The following GRIK1 variants were observed in gnomAD, a reference collection of about 807,000 sequenced individuals.
GRIK1 encodes the protein glutamate receptor ionotropic, kainate 1.
In GRIK1, 69 loss-of-function variants were observed where a neutral mutation model predicts 105.7. The ratio of observed to expected loss-of-function variants is 0.65; its 90% CI spans 0.54 to 0.80. The LOEUF is 0.80. Ranked by LOEUF, GRIK1 falls within the 30% of genes least tolerant of loss-of-function variation. The pLI is 0.00. For synonymous variants in GRIK1, 438 were observed against 431.3 expected, an observed-to-expected ratio of 1.02 and a Z score of -0.19; for missense variants, 1,109 against 1,167.3, an observed-to-expected ratio of 0.95 and a Z score of 0.73.
At chr21:29,647,663 G>A (rs2062647418) in intron 6 of GRIK1, among the ~76,000 whole-genome samples, 1 of 152,154 alleles carries the variant, frequency 6.6e-6, no homozygotes, top group Non-Finnish European at 1.5e-5. Flanking sequence ...GGACCCATTT[G>A]AGAATGAACC....
At chr21:29,882,235 C>T (rs1294788652) in intron 1 of GRIK1, among the ~76,000 whole-genome samples, 2 of 152,164 alleles carry the variant, frequency 1.3e-5, no homozygotes, top group African/African-American at 4.8e-5. Context: ...CTATCCTCCA[C>T]ATTCCATTAA....
At chr21:29,842,556 A>G (rs1311753395) in intron 1 of GRIK1, among the ~76,000 whole-genome samples, 1 of 152,212 alleles carries the variant, frequency 6.6e-6, no homozygotes, top group Admixed American at 6.6e-5. Flanking sequence ...TATTTGGCAG[A>G]GCAGTATGTT....
At chr21:29,911,126 G>A (rs2070800454) in intron 1 of GRIK1, among the ~76,000 whole-genome samples, 1 of 151,900 alleles carries the variant, frequency 6.6e-6, no homozygotes, top group South Asian at 2.1e-4. Context: ...TCTTACATGG[G>A]AGTTACTTTT....
chr21:29,673,143 A>G lies in GRIK1; in HGVS notation c.566T>C (p.Leu189Pro). ...DSTGLIRLQE[L>P]IKAPSRYNIK... ...ATTATATCTGGAGGGAGCTTTGATG[A>G]GCTCTTGTAGACGAATTAGACCTAG... The change falls in exon 4 of 18, where the codon CTC becomes CCC. Residue 189 changes from leucine to proline, a missense_variant. Physicochemically the swap from Leu to Pro is moderately conservative, Grantham distance 98 (BLOSUM62 -3). Coordinates refer to ENST00000327783, the MANE Select transcript of GRIK1 (RefSeq NM_001330994.2). 6.2e-7 allele frequency: 1 copy of G among 1,610,714 alleles called. No homozygotes were observed. The highest frequency in any genetic ancestry group is 8.5e-7 in the Non-Finnish European group (1 of 1,177,288).
intron 3 of GRIK1, among the ~76,000 whole-genome samples, chr21:29,676,975 A>C (rs2063280778): frequency 6.6e-6 from 1 of 152,196 alleles, no homozygotes; most frequent in African/African-American, 2.4e-5. Context: ...CGTTATTGCT[A>C]AGTTTCCTGT....
In GRIK1 at chr21:29,826,169, G is replaced by T. The variant is rs2067450468; in HGVS notation, c.118+113214C>A. The stretch of plus-strand genomic sequence containing the variant: ...TATATTGGTCATTACTATGGGGAAG[G>T]TTGAGTAGCAGGAAGTCCATTTGAT... On this transcript the variant is annotated intron_variant, in intron 1 of 17. Transcript: ENST00000327783. Among the ~76,000 whole-genome samples the T allele has an allele frequency of 2.6e-5, 4 of 152,060 alleles. No individual in the cohort carries two copies. In the South Asian group the frequency reaches 6.2e-4, roughly 24 times the overall value.
chr21:29,909,675 A>G (rs2070750905), intron 1 of GRIK1, among the ~76,000 whole-genome samples: 1 of 152,126 alleles, frequency 6.6e-6, no homozygotes, highest in Non-Finnish European at 1.5e-5. Context: ...ATTACTTTCA[A>G]ATCAGATGTG....
intron 1 of GRIK1, among the ~76,000 whole-genome samples, chr21:29,781,230 T>C (rs921320375): frequency 6.6e-6 from 1 of 152,200 alleles, no homozygotes; most frequent in Non-Finnish European, 1.5e-5. Context: ...TGCAACTTTA[T>C]ACTTCTTTGC....
chr21:29,547,304 G>A lies in GRIK1; in HGVS notation c.2607+7748C>T, dbSNP rs184673310. Among the ~76,000 whole-genome samples the A allele has an allele frequency of 9.0e-4, 137 of 152,314 alleles. 1 individual carries two copies. The highest frequency in any genetic ancestry group is 2.9e-3 in the African/African-American group (122 of 41,566). ...CCTTTCTGCCTTGAAGTACTGGCAG[G>A]ACACAGTCATTCTGATGGCAATAAG... is the stretch of plus-strand genomic sequence containing the variant. On this transcript the variant is annotated intron_variant, in intron 16 of 17. Transcript: ENST00000327783.
At chr21:29,851,761 GA>G (rs1486666653) in intron 1 of GRIK1, among the ~76,000 whole-genome samples, 1 of 133,742 alleles carries the variant, frequency 7.5e-6, no homozygotes, top group African/African-American at 3.1e-5. Context: ...TTTCCAAGAA[GA>G]GCGTCTTTAG....
chr21:29,713,430 A>G (rs1343314768), intron 1 of GRIK1, among the ~76,000 whole-genome samples: 1 of 152,052 alleles, frequency 6.6e-6, no homozygotes, highest in African/African-American at 2.4e-5. Flanking sequence ...CTCTGCTCTA[A>G]GATCAGAGAA....
At chr21:29,756,253 C>A (rs1218192944) in intron 1 of GRIK1, among the ~76,000 whole-genome samples, 1 of 150,814 alleles carries the variant, frequency 6.6e-6, no homozygotes, top group Non-Finnish European at 1.5e-5. Flanking sequence ...TAGTGGCGGG[C>A]GCCTGCAGCC....
At chr21:29,545,276 C>T (rs1054429573) in intron 16 of GRIK1, among the ~76,000 whole-genome samples, 1 of 152,296 alleles carries the variant, frequency 6.6e-6, no homozygotes, top group East Asian at 1.9e-4. Context: ...GCTCTTCTTG[C>T]TTAAAAGTGG....
intron 15 of GRIK1, among the ~76,000 whole-genome samples, chr21:29,559,449 A>G (rs1200508220): frequency 2.0e-5 from 3 of 152,230 alleles, no homozygotes; most frequent in African/African-American, 7.2e-5. Context: ...CACTTGGGGC[A>G]AAATATACAC....
chr21:29,595,755 G>A (rs933070114), intron 9 of GRIK1, among the ~76,000 whole-genome samples: 3 of 152,076 alleles, frequency 2.0e-5, no homozygotes, highest in Admixed American at 1.3e-4. Context: ...AAGAGAAAGA[G>A]AGAGAAGAGA....
At chr21:29,925,122 TAAG>T (rs1425123821) in intron 1 of GRIK1, among the ~76,000 whole-genome samples, 1 of 152,226 alleles carries the variant, frequency 6.6e-6, no homozygotes, top group Non-Finnish European at 1.5e-5. Context: ...GAGCATTTCA[TAAG>T]AAACAAATGT....
At chr21:29,643,470 T>TA (rs1321717733) in intron 6 of GRIK1, among the ~76,000 whole-genome samples, 1 of 152,250 alleles carries the variant, frequency 6.6e-6, no homozygotes, top group Non-Finnish European at 1.5e-5. Context: ...CACTTTCATT[T>TA]AGCAGAGTTA....
intron 7 of GRIK1, among the ~76,000 whole-genome samples, chr21:29,636,877 A>G (rs1291728488): frequency 6.6e-6 from 1 of 152,170 alleles, no homozygotes. Flanking sequence ...ATTTTAGCAG[A>G]CAACTTCCAA....
chr21:29,939,237 G>C lies in GRIK1; in HGVS notation c.118+146C>G, dbSNP rs576334119. Reference sequence around the variant, plus strand: ...GCAGTGACGCGGCTCCCCCTTTTTTGTGTAGCCTCCCATGAGCACTGACCT... The same window carrying C: ...GCAGTGACGCGGCTCCCCCTTTTTTCTGTAGCCTCCCATGAGCACTGACCT... On this transcript the variant is annotated intron_variant, in intron 1 of 17. Transcript: ENST00000327783. The C allele has an allele frequency of 2.7e-4, 151 of 567,524 alleles. 1 individual carries two copies. The East Asian group carries it at 4.6e-3, about 17-fold the overall frequency. The allele number at this position is 567,524 out of a possible 1,614,324, so 35.2% of individuals were successfully genotyped here. A position where few individuals can be genotyped will look rare whatever the true frequency, so the allele number is the denominator to read the frequency against.
Sources: gnomAD v4.1 joint callset for allele counts (sites outside exome capture counted in the v4.1 genomes callset) on GRCh38, gnomAD v4.1.1 for gene constraint, MANE v1.5 for transcripts, NCBI Gene and HGNC (gene_info 2026-07-23, HGNC 2026-07-21) for gene names.